Variants in SMPD3 observed in about 807,000 individuals in gnomAD.
SMPD3 encodes the protein nSMase-2.
SMPD3 carries 21 observed loss-of-function variants against 55.7 expected under a neutral mutation model. The observed-to-expected ratio is 0.38, with a 90% CI of 0.27 to 0.54. The LOEUF is 0.54. SMPD3 is among the 20% of genes least tolerant of loss of function. The pLI is 0.80. For missense variants in SMPD3, 842 were observed against 899.6 expected (o/e 0.94, Z 0.82); for synonymous variants, 457 against 404.3 (o/e 1.13, Z -1.56).
intron 1 of SMPD3, among the ~76,000 whole-genome samples, chr16:68,444,763 G>A (rs891811321): frequency 1.3e-5 from 2 of 152,186 alleles, no homozygotes; most frequent in African/African-American, 4.8e-5. Flanking sequence ...ATCAGGATAA[G>A]CAGGTGGTTC....
chr16:68,363,371 A>G (rs2089373134), intron 7 of SMPD3, 125 bp downstream of exon 7: 1 of 1,041,784 alleles, frequency 9.6e-7, no homozygotes, highest in Admixed American at 2.0e-5. Flanking sequence ...GATGAGGGAC[A>G]GGTTTCTGCC....
chr16:68,384,280 G>C (rs1478561301), intron 2 of SMPD3, among the ~76,000 whole-genome samples: 1 of 152,232 alleles, frequency 6.6e-6, no homozygotes, highest in Non-Finnish European at 1.5e-5. Context: ...GAGGAACTCA[G>C]GGTTCAAGAT....
At position 68,380,631 on chromosome 16, in the gene SMPD3, G is replaced by A. The variant is rs1001590587; in HGVS notation, c.-207+5967C>T. On this transcript the variant is annotated intron_variant, in intron 2 of 8. Transcript: ENST00000219334. ...CCACCTCTGCCCTTCATAGGAAGGAGACCAGGAGGGCCTTGCTTCTCTCAG... is the reference window on the plus strand; with the variant it reads ...CCACCTCTGCCCTTCATAGGAAGGAAACCAGGAGGGCCTTGCTTCTCTCAG... Among the ~76,000 whole-genome samples, 4 of 152,356 alleles carry A rather than the reference G, an allele frequency of 2.6e-5. No homozygotes were observed. The East Asian group carries it at 5.8e-4, about 22-fold the overall frequency.
At chr16:68,423,393 T>C (rs561960585) in intron 1 of SMPD3, among the ~76,000 whole-genome samples, 1 of 152,058 alleles carries the variant, frequency 6.6e-6, no homozygotes, top group Non-Finnish European at 1.5e-5. Context: ...GTAATTAGGA[T>C]TAGTTAAGGT....
At chr16:68,433,026 A>T (rs1238386866) in intron 1 of SMPD3, among the ~76,000 whole-genome samples, 2 of 151,154 alleles carry the variant, frequency 1.3e-5, no homozygotes, top group Non-Finnish European at 3.0e-5. Context: ...TTGGTCTTGA[A>T]CTCCTGGGCT....
At chr16:68,393,823 C>G (rs750238056) in intron 1 of SMPD3, among the ~76,000 whole-genome samples, 6 of 152,122 alleles carry the variant, frequency 3.9e-5, no homozygotes, top group Non-Finnish European at 7.4e-5. Flanking sequence ...CAACTTTCCC[C>G]CAATTTTTAG....
intron 1 of SMPD3, among the ~76,000 whole-genome samples, chr16:68,391,483 C>T (rs760899462): frequency 2.6e-5 from 4 of 152,232 alleles, no homozygotes; most frequent in Non-Finnish European, 5.9e-5. Context: ...TGGGCCTTCA[C>T]TTAGTCTCTC....
intron 1 of SMPD3, among the ~76,000 whole-genome samples, chr16:68,401,261 C>A (rs751364375): frequency 6.6e-6 from 1 of 152,178 alleles, no homozygotes; most frequent in Non-Finnish European, 1.5e-5. Flanking sequence ...GAGGGGCATG[C>A]CATATCCTGT....
At chr16:68,441,764 A>C (rs2090567649) in intron 1 of SMPD3, among the ~76,000 whole-genome samples, 1 of 152,022 alleles carries the variant, frequency 6.6e-6, no homozygotes, top group South Asian at 2.1e-4. Context: ...TTATTTTAAA[A>C]ATTTTTTAAA....
chr16:68,437,261 G>A (rs184390141), intron 1 of SMPD3, among the ~76,000 whole-genome samples: 1 of 152,332 alleles, frequency 6.6e-6, no homozygotes, highest in East Asian at 1.9e-4. Flanking sequence ...TAACCAAACA[G>A]CCCTACTTTC....
intron 1 of SMPD3, among the ~76,000 whole-genome samples, chr16:68,395,293 G>C (rs1279501439): frequency 1.3e-5 from 2 of 152,300 alleles, no homozygotes; most frequent in East Asian, 3.9e-4. Flanking sequence ...CGAGAGGAAG[G>C]CTTTTCAGGG....
At chr16:68,409,774 T>G (rs1283646639) in intron 1 of SMPD3, among the ~76,000 whole-genome samples, 1 of 152,212 alleles carries the variant, frequency 6.6e-6, no homozygotes, top group Non-Finnish European at 1.5e-5. Context: ...TTTGTATTTT[T>G]AGTAGAGACG....
chr16:68,376,268 G>A (rs959370341), intron 2 of SMPD3, among the ~76,000 whole-genome samples: 1 of 152,200 alleles, frequency 6.6e-6, no homozygotes, highest in Non-Finnish European at 1.5e-5. Context: ...GCCCGGGCCT[G>A]CTGCGTGGTG....
In SMPD3 at chr16:68,397,799, TC is replaced by T. The variant is rs546496707; in HGVS notation, c.-268-11141del. Among the ~76,000 whole-genome samples, 35 of 152,106 alleles carry T rather than the reference TC, an allele frequency of 2.3e-4. No homozygotes were observed. The East Asian group carries it at 4.3e-3, about 19-fold the overall frequency. On this transcript the variant is annotated intron_variant, in intron 1 of 8. Transcript: ENST00000219334. ...GGGGGGTGGTCTCTTCAGGAAGCCT[TC>T]CCCCCTCCCCTGGTGGCAGTGCTTC...
At position 68,371,744 on chromosome 16, in the gene SMPD3, G is replaced by A. The variant is rs1364321317; in HGVS notation, c.438C>T (p.Asn146=). ...CGATCTCCTTGGCCCGCGCTTGGGTGTTAAAAAGGTTGTTGACCCTGGCGA... is the reference window on the plus strand; with the variant it reads ...CGATCTCCTTGGCCCGCGCTTGGGTATTAAAAAGGTTGTTGACCCTGGCGA... ...DSLARVNNLF[N]TQARAKEIGQ... is the part of the protein sequence containing the mutation. Residue 146 remains asparagine, a synonymous_variant, in exon 3 of 9, where the codon AAC becomes AAT. Transcript: ENST00000219334. The A allele has an allele frequency of 1.2e-6, 2 of 1,610,806 alleles. No individual in the cohort carries two copies. The highest frequency in any genetic ancestry group is 2.2e-5 in the South Asian group (2 of 90,646).
chr16:68,421,203 T>C (rs973370047), intron 1 of SMPD3, among the ~76,000 whole-genome samples: 2 of 152,162 alleles, frequency 1.3e-5, no homozygotes. Flanking sequence ...GTCAGGCCCG[T>C]CCCTGCAACA....
intron 1 of SMPD3, among the ~76,000 whole-genome samples, chr16:68,402,836 C>A (rs1360827211): frequency 6.6e-6 from 1 of 152,238 alleles, no homozygotes; most frequent in East Asian, 1.9e-4. Context: ...CAACCTCCAA[C>A]TGGAATGTCA....
intron 1 of SMPD3, among the ~76,000 whole-genome samples, chr16:68,392,261 CCTTTT>C (rs1178141765): frequency 2.0e-5 from 3 of 152,044 alleles, no homozygotes; most frequent in African/African-American, 7.2e-5. Context: ...TGAATTTTGA[CCTTTT>C]CTTTTTATTA....
At chr16:68,415,487 G>A (rs2090332152) in intron 1 of SMPD3, among the ~76,000 whole-genome samples, 2 of 152,168 alleles carry the variant, frequency 1.3e-5, no homozygotes, top group African/African-American at 2.4e-5. Flanking sequence ...CTGGACAGAA[G>A]GTTCAAAGCA....
Sources: gnomAD v4.1 joint callset for allele counts (sites outside exome capture counted in the v4.1 genomes callset) on GRCh38, gnomAD v4.1.1 for gene constraint, MANE v1.5 for transcripts, NCBI Gene and HGNC (gene_info 2026-07-23, HGNC 2026-07-21) for gene names.